The following NALF1 variants were observed in gnomAD, a reference collection of about 807,000 sequenced individuals.
NALF1 encodes family with sequence similarity 155 member A.
NALF1 carries 3 observed loss-of-function variants against 48.4 expected under a neutral mutation model. The observed-to-expected ratio is 0.06, with a 90% CI of 0.03 to 0.16. NALF1 has a LOEUF of 0.16. Ranked by LOEUF, NALF1 falls within the 10% of genes least tolerant of loss-of-function variation. The pLI, the probability that NALF1 is intolerant of heterozygous loss-of-function variation, is 1.00. For synonymous variants in NALF1, 262 were observed against 245.7 expected, an observed-to-expected ratio of 1.07 and a Z score of -0.62; for missense variants, 526 against 571.5, an observed-to-expected ratio of 0.92 and a Z score of 0.81.
chr13:107,560,662 C>G (rs1391015305), intron 1 of NALF1, among the ~76,000 whole-genome samples: 3 of 152,110 alleles, frequency 2.0e-5, no homozygotes, highest in Non-Finnish European at 4.4e-5. Context: ...AATTCACATA[C>G]AAGCACACAT....
At chr13:107,819,683 TTCTCTCTCTCTCTC>T (rs35254661) in intron 1 of NALF1, among the ~76,000 whole-genome samples, 3 of 136,468 alleles carry the variant, frequency 2.2e-5, no homozygotes, top group East Asian at 2.3e-4. Flanking sequence ...CAGCTGGAAA[TTCTCTCTCTCTCTC>T]TCTCTCTCTC....
intron 1 of NALF1, among the ~76,000 whole-genome samples, chr13:107,786,756 A>AAG (rs1229445817): frequency 6.6e-6 from 1 of 152,000 alleles, no homozygotes; most frequent in Admixed American, 6.6e-5. Flanking sequence ...GAGAGAGAGA[A>AAG]AGAGAGAGAG....
intron 1 of NALF1, among the ~76,000 whole-genome samples, chr13:107,615,699 T>A (rs1030226593): frequency 5.3e-5 from 8 of 152,230 alleles, no homozygotes; most frequent in African/African-American, 1.9e-4. Flanking sequence ...TGGTCCATAC[T>A]AGTCATTTGA....
At chr13:107,765,866 C>T (rs1388335391) in intron 1 of NALF1, among the ~76,000 whole-genome samples, 3 of 152,124 alleles carry the variant, frequency 2.0e-5, no homozygotes, top group Non-Finnish European at 4.4e-5. Flanking sequence ...TACTATTAAA[C>T]TTTTATAAAT....
intron 1 of NALF1, among the ~76,000 whole-genome samples, chr13:107,298,881 A>C (rs957856402): frequency 6.6e-6 from 1 of 152,250 alleles, no homozygotes; most frequent in African/African-American, 2.4e-5. Flanking sequence ...TCTCAAAAAC[A>C]AGTAATTAAC....
At chr13:107,475,285 A>G (rs1269346328) in intron 1 of NALF1, among the ~76,000 whole-genome samples, 1 of 152,192 alleles carries the variant, frequency 6.6e-6, no homozygotes, top group Non-Finnish European at 1.5e-5. Context: ...GTACTGAACA[A>G]AACACTTTTG....
chr13:107,218,512 A>T (rs1200808454), intron 1 of NALF1, among the ~76,000 whole-genome samples: 1 of 152,174 alleles, frequency 6.6e-6, no homozygotes, highest in Non-Finnish European at 1.5e-5. Flanking sequence ...CCCAGAGCAG[A>T]GACTCAAACC....
At chr13:107,701,706 G>A (rs1232084142) in intron 1 of NALF1, among the ~76,000 whole-genome samples, 1 of 152,096 alleles carries the variant, frequency 6.6e-6, no homozygotes, top group East Asian at 1.9e-4. Flanking sequence ...TGCATTTGGT[G>A]TTTTTGTTAA....
At chr13:107,806,292 T>C (rs1195789442) in intron 1 of NALF1, among the ~76,000 whole-genome samples, 5 of 152,140 alleles carry the variant, frequency 3.3e-5, no homozygotes, top group Admixed American at 3.3e-4. Context: ...ACCTTTTCAA[T>C]TGTGAGGAAG....
intron 1 of NALF1, among the ~76,000 whole-genome samples, chr13:107,767,057 A>G (rs574272688): frequency 6.6e-6 from 1 of 152,330 alleles, no homozygotes; most frequent in South Asian, 2.1e-4. Context: ...AAAACCTAAC[A>G]AAACAGGAAA....
intron 1 of NALF1, among the ~76,000 whole-genome samples, chr13:107,614,413 C>T (rs1244426482): frequency 6.6e-6 from 1 of 152,168 alleles, no homozygotes; most frequent in Non-Finnish European, 1.5e-5. Context: ...CAGTTTGCAT[C>T]TTAGGTCTTT....
chr13:107,386,435 C>G (rs1176669728), intron 1 of NALF1, among the ~76,000 whole-genome samples: 1 of 152,166 alleles, frequency 6.6e-6, no homozygotes, highest in African/African-American at 2.4e-5. Flanking sequence ...GTTTCCATGA[C>G]TTGGAAAGTC....
chr13:107,756,612 G>T (rs1877104479), intron 1 of NALF1, among the ~76,000 whole-genome samples: 1 of 151,866 alleles, frequency 6.6e-6, no homozygotes, highest in Non-Finnish European at 1.5e-5. Flanking sequence ...TATTAAACAC[G>T]CATGCTAAAT....
chr13:107,837,018 C>G (rs1198210230), intron 1 of NALF1, among the ~76,000 whole-genome samples: 2 of 152,250 alleles, frequency 1.3e-5, no homozygotes, highest in East Asian at 3.9e-4. Context: ...CCTTTTCTTG[C>G]TTTAGAATGA....
At chr13:107,303,624 C>T (rs1189085747) in intron 1 of NALF1, among the ~76,000 whole-genome samples, 2 of 152,118 alleles carry the variant, frequency 1.3e-5, no homozygotes, top group Non-Finnish European at 2.9e-5. Context: ...TTACAAACTC[C>T]AAAAGCAATG....
At chr13:107,239,788 C>G (rs1211293672) in intron 1 of NALF1, among the ~76,000 whole-genome samples, 1 of 152,014 alleles carries the variant, frequency 6.6e-6, no homozygotes, top group Non-Finnish European at 1.5e-5. Context: ...GAAACACCAC[C>G]AACACACCCC....
At chr13:107,310,223 A>C (rs1045429217) in intron 1 of NALF1, among the ~76,000 whole-genome samples, 1 of 152,048 alleles carries the variant, frequency 6.6e-6, no homozygotes, top group Non-Finnish European at 1.5e-5. Flanking sequence ...CAGCCTCGCC[A>C]ACATGGTGAA....
chr13:107,740,386 A>G (rs991560019), intron 1 of NALF1, among the ~76,000 whole-genome samples: 1 of 152,206 alleles, frequency 6.6e-6, no homozygotes, highest in Non-Finnish European at 1.5e-5. Context: ...TGGTAATATT[A>G]TATCTGTCCT....
Position 107,177,574 on chromosome 13 carries a change from C to T in NALF1, c.1088-6788G>A, listed in dbSNP as rs1215586660. On this transcript the variant is annotated intron_variant, in intron 2 of 2. Transcript: ENST00000375915. ...TAGACCAATGGAACAGAATAGAGAA[C>T]CCAAAAACAAATCCACACATCTACA... Among the ~76,000 whole-genome samples, 3 of 152,046 alleles carry T rather than the reference C, an allele frequency of 2.0e-5. 1 individual carries two copies. Among genetic ancestry groups the T allele is most frequent in the Non-Finnish European group, 4.4e-5 (3 of 68,010 alleles).
Sources: allele counts gnomAD v4.1 joint callset (sites outside exome capture counted in the v4.1 genomes callset), GRCh38; gene constraint gnomAD v4.1.1; transcripts MANE v1.5; gene names NCBI Gene and HGNC (gene_info 2026-07-23, HGNC 2026-07-21).